Variants in INPP4B observed in about 807,000 individuals in gnomAD.
INPP4B encodes the protein inositol polyphosphate-4-phosphatase type II B.
Under a neutral mutation model 122.5 loss-of-function variants are expected in INPP4B, and 55 were observed. That is an observed-to-expected ratio of 0.45 (90% CI 0.36 to 0.56). INPP4B has a LOEUF of 0.56. Among genes scored for constraint, INPP4B ranks in the 20% least tolerant of loss-of-function variants. The pLI is 0.00. For missense variants in INPP4B, 1,000 were observed against 1,097.7 expected (o/e 0.91, Z 1.26); for synonymous variants, 403 against 388.7 (o/e 1.04, Z -0.43).
intron 12 of INPP4B, among the ~76,000 whole-genome samples, chr4:142,229,546 T>C (rs1336439981): frequency 6.6e-6 from 1 of 152,138 alleles, no homozygotes; most frequent in Non-Finnish European, 1.5e-5. Flanking sequence ...ATTATACACA[T>C]CCCATTGAGG....
intron 9 of INPP4B, among the ~76,000 whole-genome samples, chr4:142,274,772 T>C (rs1047330827): frequency 6.6e-6 from 1 of 151,796 alleles, no homozygotes; most frequent in Admixed American, 6.6e-5. Flanking sequence ...TATCTCAATC[T>C]ACTTAAGGAA....
rs747763619 is a variant in INPP4B at position 142,122,101 on chromosome 4, G to C, written c.2135+27C>G. On this transcript the variant is annotated intron_variant, in intron 21 of 25. Coordinates refer to ENST00000262992, the MANE Select transcript of INPP4B (RefSeq NM_001101669.3). ...TAACACGACATGTCTAACAAAGCCTGGTCTTCAGGAAGTGAGCACTGCTTA... is the reference window on the plus strand; with the variant it reads ...TAACACGACATGTCTAACAAAGCCTCGTCTTCAGGAAGTGAGCACTGCTTA... The C allele has an allele frequency of 2.8e-6, 4 of 1,416,416 alleles. No individual in the cohort carries two copies. The African/African-American group carries it at 4.3e-5, about 15-fold the overall frequency. The allele number at this position is 1,416,416 out of a possible 1,614,324, so 87.7% of individuals were successfully genotyped here. A position where few individuals can be genotyped will look rare whatever the true frequency, so the allele number is the denominator to read the frequency against.
At chr4:142,781,439 T>C (rs1424738583) in intron 1 of INPP4B, among the ~76,000 whole-genome samples, 1 of 152,196 alleles carries the variant, frequency 6.6e-6, no homozygotes, top group Non-Finnish European at 1.5e-5. Flanking sequence ...TCAGTCACTT[T>C]ATGAGAGAAC....
chr4:142,523,470 T>G (rs1826374787), intron 2 of INPP4B, among the ~76,000 whole-genome samples: 3 of 152,082 alleles, frequency 2.0e-5, no homozygotes, highest in Admixed American at 2.0e-4. Flanking sequence ...AGGTTTTATT[T>G]TGCTGAAAAG....
intron 15 of INPP4B, among the ~76,000 whole-genome samples, chr4:142,184,495 T>C (rs1191500280): frequency 6.6e-6 from 1 of 152,204 alleles, no homozygotes; most frequent in African/African-American, 2.4e-5. Context: ...ATCACACTGA[T>C]CTCTTCTGCA....
At chr4:142,581,786 A>G (rs1735140859) in intron 2 of INPP4B, among the ~76,000 whole-genome samples, 2 of 151,918 alleles carry the variant, frequency 1.3e-5, no homozygotes, top group Non-Finnish European at 2.9e-5. Flanking sequence ...TTTGCATATG[A>G]GATTATCCCA....
intron 25 of INPP4B, among the ~76,000 whole-genome samples, chr4:142,066,996 T>C (rs975353622): frequency 6.6e-6 from 1 of 152,172 alleles, no homozygotes; most frequent in Non-Finnish European, 1.5e-5. Flanking sequence ...GCATGGAGTT[T>C]GAGATCTGAG....
rs967980239 is a variant in INPP4B at position 142,027,657 on chromosome 4, G to GTGAT, written c.*1121_*1124dup. 5 of 152,310 alleles carry GTGAT rather than the reference G, an allele frequency of 3.3e-5. No homozygotes were observed. In the South Asian group the frequency reaches 8.3e-4, roughly 25 times the overall value. 9.4% of individuals were successfully genotyped at this position (152,310 alleles called of 1,614,324 possible). On this transcript the variant is annotated 3_prime_UTR_variant, in exon 26 of 26. Transcript: ENST00000262992. ...TTCAAATTCTGCAACTATCTCCTGA[G>GTGAT]TGATTGGGGGTGATTAACCTTACCC...
rs548746082 is a variant in INPP4B at position 142,136,950 on chromosome 4, C to T, written c.1720+8890G>A. On this transcript the variant is annotated intron_variant, in intron 18 of 25. Coordinates refer to ENST00000262992, the MANE Select transcript of INPP4B (RefSeq NM_001101669.3). ...GGAAGAATCAATATCGTGAAAATGGCCATACTGCCCAAGGTAATTTACAGA... is the reference window on the plus strand; with the variant it reads ...GGAAGAATCAATATCGTGAAAATGGTCATACTGCCCAAGGTAATTTACAGA... 3.0e-3 allele frequency among the ~76,000 whole-genome samples: 451 copies of T among 152,210 alleles called. 3 individuals carry two copies. The highest frequency in any genetic ancestry group is 0.01 in the African/African-American group (420 of 41,508).
At chr4:142,808,578 G>A (rs1288559661) in intron 1 of INPP4B, among the ~76,000 whole-genome samples, 1 of 152,112 alleles carries the variant, frequency 6.6e-6, no homozygotes, top group African/African-American at 2.4e-5. Context: ...ATATAACTGA[G>A]TATATTCAGA....
At chr4:142,481,763 T>C (rs916186894) in intron 2 of INPP4B, among the ~76,000 whole-genome samples, 6 of 152,128 alleles carry the variant, frequency 3.9e-5, no homozygotes, top group African/African-American at 1.2e-4. Flanking sequence ...TGCTAGCCAA[T>C]AGATGGTTCT....
At chr4:142,494,447 TC>T (rs1822272236) in intron 2 of INPP4B, among the ~76,000 whole-genome samples, 1 of 152,206 alleles carries the variant, frequency 6.6e-6, no homozygotes, top group Non-Finnish European at 1.5e-5. Context: ...TGTTCTTCAT[TC>T]TTTCCCATCA....
intron 2 of INPP4B, among the ~76,000 whole-genome samples, chr4:142,683,656 A>T (rs1466464958): frequency 1.3e-5 from 2 of 151,058 alleles, no homozygotes; most frequent in East Asian, 4.0e-4. Context: ...ATGACTACCA[A>T]CTCTTGGGAA....
At chr4:142,461,806 A>C (rs79166210) in intron 3 of INPP4B, among the ~76,000 whole-genome samples, 5 of 150,694 alleles carry the variant, frequency 3.3e-5, no homozygotes, top group African/African-American at 1.2e-4. Flanking sequence ...TAAAAGTACA[A>C]ACACACACAC....
intron 1 of INPP4B, among the ~76,000 whole-genome samples, chr4:142,814,911 G>A (rs1779943409): frequency 1.3e-5 from 2 of 152,044 alleles, no homozygotes; most frequent in South Asian, 2.1e-4. Flanking sequence ...CCCTTCCTTC[G>A]AGTCCAATGT....
intron 2 of INPP4B, among the ~76,000 whole-genome samples, chr4:142,539,752 T>C (rs1260662811): frequency 6.6e-6 from 1 of 151,966 alleles, no homozygotes. Flanking sequence ...TTTTATTTAA[T>C]ATATTATTAA....
At chr4:142,433,399 G>C (rs527543170) in intron 3 of INPP4B, among the ~76,000 whole-genome samples, 2 of 152,134 alleles carry the variant, frequency 1.3e-5, no homozygotes, top group Admixed American at 1.3e-4. Context: ...ACTCAGAAGA[G>C]GTACAAGCTG....
At chr4:142,721,796 G>A (rs1764726828) in intron 2 of INPP4B, among the ~76,000 whole-genome samples, 1 of 152,126 alleles carries the variant, frequency 6.6e-6, no homozygotes, top group African/African-American at 2.4e-5. Flanking sequence ...ACTCCGGCCT[G>A]GGTGACAGAG....
intron 1 of INPP4B, among the ~76,000 whole-genome samples, chr4:142,747,369 C>T (rs1580824886): frequency 6.6e-6 from 1 of 152,140 alleles, no homozygotes. Flanking sequence ...AGTCAGGAAA[C>T]CACAGGTACT....
Sources: gnomAD v4.1 joint callset for allele counts (sites outside exome capture counted in the v4.1 genomes callset) on GRCh38, gnomAD v4.1.1 for gene constraint, MANE v1.5 for transcripts, NCBI Gene and HGNC (gene_info 2026-07-23, HGNC 2026-07-21) for gene names.